SLC2A4: variants seen among roughly 807,000 people sequenced by gnomAD.
SLC2A4 encodes solute carrier family 2, facilitated glucose transporter member 4.
A neutral mutation model predicts 53.3 loss-of-function variants in SLC2A4; 31 were observed. The observed-to-expected ratio is 0.58, with a 90% CI of 0.44 to 0.78. The LOEUF (loss-of-function observed/expected upper bound fraction) is 0.78, where lower values mean the gene tolerates loss of function less well. SLC2A4 is among the 30% of genes least tolerant of loss of function. SLC2A4 has a pLI of 0.00. For missense variants in SLC2A4, 538 were observed against 655.7 expected (o/e 0.82, Z 1.96); for synonymous variants, 276 against 281.9 (o/e 0.98, Z 0.21).
chr17:7,283,517 G>A lies in SLC2A4; in HGVS notation c.195G>A (p.Gly65=). The A allele has an allele frequency of 6.2e-7, 1 of 1,613,950 alleles. No individual in the cohort carries two copies. Among genetic ancestry groups the A allele is most frequent in the Non-Finnish European group, 8.5e-7 (1 of 1,179,984 alleles). ...SYNETWLGRQ[G]PEGPSSIPPG... ...ATGAGACGTGGCTGGGGAGGCAGGG[G>A]CCTGAGGGACCCAGCTCCATCCCTC... is the stretch of plus-strand genomic sequence containing the variant. Residue 65 remains glycine, a synonymous_variant, in exon 3 of 11, where the codon GGG becomes GGA. Coordinates refer to ENST00000317370, the MANE Select transcript of SLC2A4 (RefSeq NM_001042.3). The surrounding 1 kb of genome is among the most constrained non-coding windows in gnomAD (Gnocchi z 5.8).
At position 7,282,632 on chromosome 17, in the gene SLC2A4, G is replaced by A. The variant is rs1045583371; in HGVS notation, c.34-613G>A. Reference sequence around the variant, plus strand: ...CACGGAGGTTAGAGGGGGAGGGCAGGCCACGACGTAGATAGAGAAGGCCAC... The same window carrying A: ...CACGGAGGTTAGAGGGGGAGGGCAGACCACGACGTAGATAGAGAAGGCCAC... On this transcript the variant is annotated intron_variant, in intron 1 of 10. Coordinates refer to ENST00000317370, the MANE Select transcript of SLC2A4 (RefSeq NM_001042.3). This position sits in a 1 kb window ranked among gnomAD's most constrained non-coding sequence, Gnocchi z 4.1. 3.9e-5 allele frequency among the ~76,000 whole-genome samples: 6 copies of A among 152,224 alleles called. No homozygotes were observed. The highest frequency in any genetic ancestry group is 1.2e-4 in the African/African-American group (5 of 41,460).
At position 7,285,711 on chromosome 17, in the gene SLC2A4, G is replaced by C; in HGVS notation, c.1129G>C (p.Val377Leu). Residue 377 changes from valine (V) to leucine (L), a missense_variant, in exon 10 of 11, where the codon GTT becomes CTT. Val to Leu is a conservative substitution (Grantham distance 32). Coordinates refer to ENST00000317370, the MANE Select transcript of SLC2A4 (RefSeq NM_001042.3). The surrounding 1 kb of genome is among the most constrained non-coding windows in gnomAD (Gnocchi z 6.0). ...CTCCCTGTCTGGCCCCTAGGAGCGAGTTCCAGCCATGAGCTACGTCTCCAT... is the reference window on the plus strand; with the variant it reads ...CTCCCTGTCTGGCCCCTAGGAGCGACTTCCAGCCATGAGCTACGTCTCCAT... ...MTVALLLLERVPAMSYVSIVA... is the reference protein window; with the variant it reads ...MTVALLLLERLPAMSYVSIVA... The C allele has an allele frequency of 6.2e-7, 1 of 1,614,210 alleles. No homozygotes were observed. The highest frequency in any genetic ancestry group is 8.5e-7 in the Non-Finnish European group (1 of 1,180,034).
In SLC2A4 at chr17:7,284,244, A is replaced by G. The variant is rs758500487; in HGVS notation, c.592A>G (p.Thr198Ala). 1.9e-6 allele frequency: 3 copies of G among 1,613,476 alleles called. No homozygotes were observed. Among genetic ancestry groups the G allele is most frequent in the Non-Finnish European group, 2.5e-6 (3 of 1,180,018 alleles). ...GCTGGGCTTGGAGTCCCTCCTGGGC[A>G]CTGCCAGCCTGTGGCCACTGCTCCT... ...QVLGLESLLG[T>A]ASLWPLLLGL... Residue 198 changes from threonine to alanine, a missense_variant, in exon 6 of 11, where the codon ACT becomes GCT. Thr to Ala is a moderately conservative substitution (Grantham distance 58, BLOSUM62 0). Transcript: ENST00000317370. This position sits in a 1 kb window ranked among gnomAD's most constrained non-coding sequence, Gnocchi z 7.5.
At position 7,285,705 on chromosome 17, in the gene SLC2A4, G is replaced by A. The variant is rs1323516251; in HGVS notation, c.1123G>A (p.Glu375Lys). The A allele has an allele frequency of 6.2e-7, 1 of 1,614,154 alleles. No individual in the cohort carries two copies. The highest frequency in any genetic ancestry group is 2.2e-5 in the East Asian group (1 of 44,882). The change falls in exon 10 of 11, where the codon GAG becomes AAG. Residue 375 changes from glutamate to lysine, a missense_variant and splice_region_variant. Transcript: ENST00000317370. This position sits in a 1 kb window ranked among gnomAD's most constrained non-coding sequence, Gnocchi z 6.0. ...TCCACCCTCCCTGTCTGGCCCCTAG[G>A]AGCGAGTTCCAGCCATGAGCTACGT... Reference protein sequence around the residue: ...ILMTVALLLLERVPAMSYVSI... With the variant: ...ILMTVALLLLKRVPAMSYVSI...
At position 7,283,988 on chromosome 17, in the gene SLC2A4, C is replaced by G. The variant is rs2072426006; in HGVS notation, c.463C>G (p.Leu155Val). 1 of 1,613,710 alleles carries G rather than the reference C, an allele frequency of 6.2e-7. No individual in the cohort carries two copies. Among genetic ancestry groups the G allele is most frequent in the Non-Finnish European group, 8.5e-7 (1 of 1,179,808 alleles). ...IGAYSGLTSG[L>V]VPMYVGEIAP... ...CCCTCGCCCAGGGCTGACATCAGGG[C>G]TGGTGCCCATGTACGTGGGGGAGAT... The change falls in exon 5 of 11, where the codon CTG (leucine) becomes GTG (valine). Residue 155 changes from leucine to valine, a missense_variant. Physicochemically the swap from Leu to Val is conservative, Grantham distance 32 (BLOSUM62 1). Transcript: ENST00000317370. This position sits in a 1 kb window ranked among gnomAD's most constrained non-coding sequence, Gnocchi z 5.8.
Position 7,282,860 on chromosome 17 carries a change from G to A in SLC2A4, c.34-385G>A. On this transcript the variant is annotated intron_variant, in intron 1 of 10. Coordinates refer to ENST00000317370, the MANE Select transcript of SLC2A4 (RefSeq NM_001042.3). This position sits in a 1 kb window ranked among gnomAD's most constrained non-coding sequence, Gnocchi z 4.1. ...GATTTTCACAACACTCTCACAGATA[G>A]GTAGGCAAGGCAGGCAACATCACCC... is the stretch of plus-strand genomic sequence containing the variant. 1 of 363,308 alleles carries A rather than the reference G, an allele frequency of 2.8e-6. No individual in the cohort carries two copies. The highest frequency in any genetic ancestry group is 5.4e-6 in the Non-Finnish European group (1 of 186,632). The allele number at this position is 363,308 out of a possible 1,614,324, so 22.5% of individuals were successfully genotyped here.
chr17:7,283,319 G>A lies in SLC2A4; in HGVS notation c.108G>A (p.Leu36=). 1 of 1,614,136 alleles carries A rather than the reference G, an allele frequency of 6.2e-7. No individual in the cohort carries two copies. The highest frequency in any genetic ancestry group is 1.3e-5 in the African/African-American group (1 of 75,024). The part of the protein sequence containing the change: ...LAVFSAVLGS[L]QFGYNIGVIN... ...TGTTCTCTGCGGTGCTTGGCTCCCT[G>A]CAGTTTGGGTACAACATTGGGGTCA... The change falls in exon 2 of 11, where the codon CTG becomes CTA. Residue 36 remains leucine (L), a synonymous_variant. Transcript: ENST00000317370. The surrounding 1 kb of genome is among the most constrained non-coding windows in gnomAD (Gnocchi z 5.8).
rs749829146 is a variant in SLC2A4, at chr17:7,284,378, G to A, written c.726G>A (p.Lys242=). ...IIQNLEGPAR[K]SLKRLTGWAD... ...AGAATCTCGAGGGGCCTGCCAGAAA[G>A]AGTAAGCTCTCCCGCTGCAGCCTGG... The change falls in exon 6 of 11, where the codon AAG becomes AAA. Residue 242 remains lysine (K), a splice_region_variant and synonymous_variant. Transcript: ENST00000317370. The surrounding 1 kb of genome is among the most constrained non-coding windows in gnomAD (Gnocchi z 7.5). 1.9e-6 allele frequency: 3 copies of A among 1,614,134 alleles called. No homozygotes were observed. Among genetic ancestry groups the A allele is most frequent in the Non-Finnish European group, 2.5e-6 (3 of 1,180,038 alleles).
chr17:7,286,412 TC>T lies in SLC2A4; in HGVS notation c.1327-12del. Reference sequence around the variant, plus strand: ...ACCTCACTCCGTCAACACCTCTTTCTCCACCTGTCCCAGGAGGCTATGGGGC... The same window carrying T: ...ACCTCACTCCGTCAACACCTCTTTCTCACCTGTCCCAGGAGGCTATGGGGC... On this transcript the variant is annotated splice_polypyrimidine_tract_variant and intron_variant, in intron 10 of 10. Coordinates refer to ENST00000317370, the MANE Select transcript of SLC2A4 (RefSeq NM_001042.3). 1 of 1,613,018 alleles carries T rather than the reference TC, an allele frequency of 6.2e-7. No homozygotes were observed. Among genetic ancestry groups the T allele is most frequent in the Non-Finnish European group, 8.5e-7 (1 of 1,179,038 alleles).
chr17:7,285,074 G>A lies in SLC2A4; in HGVS notation c.1021-14G>A, dbSNP rs757330248. The A allele has an allele frequency of 1.0e-5, 16 of 1,606,838 alleles. No homozygotes were observed. Among genetic ancestry groups the A allele is most frequent in the Middle Eastern group, 3.3e-4 (2 of 6,078 alleles). The stretch of plus-strand genomic sequence containing the variant: ...GCCCAAAAGGCTGGGGTCAAGCTCC[G>A]ACTCTCCCCGCAGGTGTTGTTGGTG... On this transcript the variant is annotated splice_polypyrimidine_tract_variant and intron_variant, in intron 8 of 10. Coordinates refer to ENST00000317370, the MANE Select transcript of SLC2A4 (RefSeq NM_001042.3). This position sits in a 1 kb window ranked among gnomAD's most constrained non-coding sequence, Gnocchi z 6.0.
chr17:7,285,585 G>T lies in SLC2A4; in HGVS notation c.1123-120G>T. On this transcript the variant is annotated intron_variant, in intron 9 of 10. Transcript: ENST00000317370. This position sits in a 1 kb window ranked among gnomAD's most constrained non-coding sequence, Gnocchi z 6.0. ...CAGTCAAGGGCCTGCTCTAACCCGG[G>T]ACAGCAGGCCCCCTACAAGCTGCTG... 1.0e-6 allele frequency: 1 copy of T among 957,764 alleles called. No individual in the cohort carries two copies. Among genetic ancestry groups the T allele is most frequent in the Non-Finnish European group, 1.7e-6 (1 of 605,172 alleles). The allele number at this position is 957,764 out of a possible 1,614,324, so 59.3% of individuals were successfully genotyped here. A position where few individuals can be genotyped will look rare whatever the true frequency, so the allele number is the denominator to read the frequency against.
At position 7,284,452 on chromosome 17, in the gene SLC2A4, A is replaced by G. The variant is rs1465158090; in HGVS notation, c.728-33A>G. On this transcript the variant is annotated intron_variant, in intron 6 of 10. Coordinates refer to ENST00000317370, the MANE Select transcript of SLC2A4 (RefSeq NM_001042.3). This position sits in a 1 kb window ranked among gnomAD's most constrained non-coding sequence, Gnocchi z 7.5. ...TCTTGCTAGCACCTGGCTTCCTCTC[A>G]GGTCCCCTCAGGCCTGACCTTCCCT... The G allele has an allele frequency of 1.9e-6, 3 of 1,614,058 alleles. No individual in the cohort carries two copies. The highest frequency in any genetic ancestry group is 2.5e-6 in the Non-Finnish European group (3 of 1,180,024).
Position 7,284,011 on chromosome 17 carries a change from G to C in SLC2A4, c.486G>C (p.Glu162Asp). The C allele has an allele frequency of 6.2e-7, 1 of 1,613,930 alleles. No individual in the cohort carries two copies. The highest frequency in any genetic ancestry group is 8.5e-7 in the Non-Finnish European group (1 of 1,179,934). The change falls in exon 5 of 11, where the codon GAG (glutamate) becomes GAC (aspartate). Residue 162 changes from glutamate (E) to aspartate (D), a missense_variant. Transcript: ENST00000317370. The surrounding 1 kb of genome is among the most constrained non-coding windows in gnomAD (Gnocchi z 7.5). ...GGCTGGTGCCCATGTACGTGGGGGA[G>C]ATTGCTCCCACTCACCTGCGGGGCG... ...TSGLVPMYVG[E>D]IAPTHLRGAL...
rs1378129885 is a variant in SLC2A4 at position 7,284,994 on chromosome 17, C to T, written c.1020+55C>T. On this transcript the variant is annotated intron_variant, in intron 8 of 10. Coordinates refer to ENST00000317370, the MANE Select transcript of SLC2A4 (RefSeq NM_001042.3). The surrounding 1 kb of genome is among the most constrained non-coding windows in gnomAD (Gnocchi z 7.5). ...CCACTGGCTTCACCTCCCTGGGTGT[C>T]CCGGAGGTCCTGCTCTTGGTTGCCC... 6.2e-7 allele frequency: 1 copy of T among 1,614,052 alleles called. No individual in the cohort carries two copies. The highest frequency in any genetic ancestry group is 1.7e-5 in the Admixed American group (1 of 60,016).
rs755670001 is a variant in SLC2A4 at position 7,288,011 on chromosome 17, G to A, written c.*1382G>A. 3 of 152,164 alleles carry A rather than the reference G, an allele frequency of 2.0e-5. No individual in the cohort carries two copies. The highest frequency in any genetic ancestry group is 7.2e-5 in the African/African-American group (3 of 41,410). The allele number at this position is 152,164 out of a possible 1,614,324, so 9.4% of individuals were successfully genotyped here. A position where few individuals can be genotyped will look rare whatever the true frequency, so the allele number is the denominator to read the frequency against. On this transcript the variant is annotated 3_prime_UTR_variant, in exon 11 of 11. Coordinates refer to ENST00000317370, the MANE Select transcript of SLC2A4 (RefSeq NM_001042.3). ...ATTAATAGTAAATGCTCAATAAATT[G>A]TAGCTGCCAGTGCCGGGCATTGCTC...
Position 7,286,637 on chromosome 17 carries a change from G to A in SLC2A4, c.*8G>A, listed in dbSNP as rs748309088. ...CCAGATGAGAACGACTGAGGGGCCA[G>A]GCAGGGGTGGGAGAGCCAGCTCTCT... On this transcript the variant is annotated 3_prime_UTR_variant, in exon 11 of 11. Coordinates refer to ENST00000317370, the MANE Select transcript of SLC2A4 (RefSeq NM_001042.3). 3 of 1,613,268 alleles carry A rather than the reference G, an allele frequency of 1.9e-6. No individual in the cohort carries two copies. The highest frequency in any genetic ancestry group is 2.2e-5 in the East Asian group (1 of 44,890).
In SLC2A4 at chr17:7,287,115, GTTTTTTTTTTTTTTT is replaced by G. The variant is rs35240617; in HGVS notation, c.*501_*515del. 3.1e-5 allele frequency: 3 copies of G among 97,718 alleles called. No individual in the cohort carries two copies. Among genetic ancestry groups the G allele is most frequent in the African/African-American group, 8.4e-5 (2 of 23,950 alleles). The allele number at this position is 97,718 out of a possible 1,614,324, so 6.1% of individuals were successfully genotyped here. On this transcript the variant is annotated 3_prime_UTR_variant, in exon 11 of 11. Coordinates refer to ENST00000317370, the MANE Select transcript of SLC2A4 (RefSeq NM_001042.3). ...TGCCACGCAGACTCTGGGCAAAGGG[GTTTTTTTTTTTTTTT>G]TTTTTTTTTTTTTTGAGACAGTCTC...
chr17:7,285,612 G>A lies in SLC2A4; in HGVS notation c.1123-93G>A, dbSNP rs762152046. 5.1e-5 allele frequency: 63 copies of A among 1,244,046 alleles called. No individual in the cohort carries two copies. Among genetic ancestry groups the A allele is most frequent in the African/African-American group, 1.0e-4 (7 of 67,692 alleles). 77.1% of individuals were successfully genotyped at this position (1,244,046 alleles called of 1,614,324 possible). On this transcript the variant is annotated intron_variant, in intron 9 of 10. Coordinates refer to ENST00000317370, the MANE Select transcript of SLC2A4 (RefSeq NM_001042.3). This position sits in a 1 kb window ranked among gnomAD's most constrained non-coding sequence, Gnocchi z 6.0. ...CAGCAGGCCCCCTACAAGCTGCTGC[G>A]GAGGGGGTTAGGTTTCACTTCTCTG...
At position 7,284,863 on chromosome 17, in the gene SLC2A4, A is replaced by C. The variant is rs2072435210; in HGVS notation, c.944A>C (p.Glu315Ala). Residue 315 changes from glutamate to alanine, a missense_variant, in exon 8 of 11, where the codon GAG becomes GCG. Physicochemically the swap from Glu to Ala is moderately radical, Grantham distance 107. Coordinates refer to ENST00000317370, the MANE Select transcript of SLC2A4 (RefSeq NM_001042.3). This position sits in a 1 kb window ranked among gnomAD's most constrained non-coding sequence, Gnocchi z 7.5. ...TTCTATTATTCGACCAGCATCTTCG[A>C]GACAGCAGGGGTAGGCCAGCCTGCC... Reference protein sequence around the residue: ...AVFYYSTSIFETAGVGQPAYA... With the variant: ...AVFYYSTSIFATAGVGQPAYA... 1 of 1,614,168 alleles carries C rather than the reference A, an allele frequency of 6.2e-7. No individual in the cohort carries two copies. The highest frequency in any genetic ancestry group is 8.5e-7 in the Non-Finnish European group (1 of 1,180,034).
Sources: allele counts gnomAD v4.1 joint callset (sites outside exome capture counted in the v4.1 genomes callset), GRCh38; gene constraint gnomAD v4.1.1; non-coding constraint Gnocchi (gnomAD v3.1); transcripts MANE v1.5; gene names NCBI Gene and HGNC (gene_info 2026-07-23, HGNC 2026-07-21).